Variants in BNC2 observed in about 807,000 individuals in gnomAD.
The protein encoded by BNC2 is basonuclin zinc finger protein 2.
Under a neutral mutation model 76.3 loss-of-function variants are expected in BNC2, and 20 were observed. The observed-to-expected ratio is 0.26, with a 90% confidence interval of 0.18 to 0.38. The LOEUF (loss-of-function observed/expected upper bound fraction) is 0.38. Among genes scored for constraint, BNC2 ranks in the 10% least tolerant of loss-of-function variants. The pLI is 1.00. For synonymous variants in BNC2, 582 were observed against 514.8 expected (o/e 1.13, Z -1.77); for missense variants, 1,382 against 1,399.8 (o/e 0.99, Z 0.20).
intron 1 of BNC2, among the ~76,000 whole-genome samples, chr9:16,763,521 GT>G (rs1211967050): frequency 6.6e-6 from 1 of 151,944 alleles, no homozygotes; most frequent in Non-Finnish European, 1.5e-5. Context: ...AGTGAGCTGT[GT>G]TCACACCACT....
chr9:16,868,295 C>T (rs1819592700), intron 1 of BNC2: 1 of 152,146 alleles, frequency 6.6e-6, no homozygotes, highest in African/African-American at 2.4e-5. Flanking sequence ...TTATGTAAAG[C>T]ACTGAACTCA....
Position 16,680,181 on chromosome 9 carries a change from T to G in BNC2, c.330+47616A>C, listed in dbSNP as rs190958700. ...TGGTAAATGGTTTTCCGCCATTTAC[T>G]TAGGTTTAGGAGGATTTAATCTTTT... On this transcript the variant is annotated intron_variant, in intron 3 of 6. Coordinates refer to ENST00000380672, the MANE Select transcript of BNC2 (RefSeq NM_017637.6). Among the ~76,000 whole-genome samples the G allele has an allele frequency of 3.2e-3, 488 of 152,266 alleles. 5 individuals are homozygous for G. The highest frequency in any genetic ancestry group is 0.029 in the South Asian group (142 of 4,826).
At chr9:16,792,461 T>C (rs1470476424) in intron 1 of BNC2, among the ~76,000 whole-genome samples, 1 of 152,218 alleles carries the variant, frequency 6.6e-6, no homozygotes, top group East Asian at 1.9e-4. Context: ...ACCTGATTCA[T>C]ATAATTCAAA....
intron 1 of BNC2, among the ~76,000 whole-genome samples, chr9:16,813,220 T>A (rs969701910): frequency 6.6e-6 from 1 of 151,474 alleles, no homozygotes; most frequent in African/African-American, 2.4e-5. Context: ...CTCCTAAAGG[T>A]CTATATACCC....
At chr9:16,527,847 G>A (rs1020663261) in intron 5 of BNC2, among the ~76,000 whole-genome samples, 9 of 152,208 alleles carry the variant, frequency 5.9e-5, no homozygotes, top group African/African-American at 2.2e-4. Flanking sequence ...AAATTAAGGT[G>A]GGAGAGATGA....
chr9:16,810,133 T>A (rs1364700887), intron 1 of BNC2, among the ~76,000 whole-genome samples: 1 of 152,180 alleles, frequency 6.6e-6, no homozygotes, highest in Non-Finnish European at 1.5e-5. Context: ...TAAGGTAACT[T>A]ATGGTTAAAA....
rs185414934 is a variant in BNC2, at chr9:16,820,380, C to T, written c.3+50266G>A. ...GGCAGAGGTTGCAGTGAGCCGAGAT[C>T]GCACCATTGCGCTCCAGCCTGGGCA... On this transcript the variant is annotated intron_variant, in intron 1 of 6. Transcript: ENST00000380672. Among the ~76,000 whole-genome samples the T allele has an allele frequency of 1.4e-3, 220 of 151,922 alleles. 3 individuals are homozygous for T. In the South Asian group the frequency reaches 0.016, roughly 11 times the overall value.
At chr9:16,583,302 T>A (rs569406446) in intron 3 of BNC2, among the ~76,000 whole-genome samples, 1 of 152,246 alleles carries the variant, frequency 6.6e-6, no homozygotes, top group Non-Finnish European at 1.5e-5. Context: ...TTTAGGTCAT[T>A]CACAGTAACC....
At chr9:16,444,757 C>T (rs974979372) in intron 5 of BNC2, among the ~76,000 whole-genome samples, 1 of 152,168 alleles carries the variant, frequency 6.6e-6, no homozygotes, top group Non-Finnish European at 1.5e-5. Context: ...AACACTTATA[C>T]ATAATATGTG....
intron 5 of BNC2, among the ~76,000 whole-genome samples, chr9:16,528,596 G>C (rs972177968): frequency 1.3e-5 from 2 of 152,128 alleles, no homozygotes; most frequent in Admixed American, 1.3e-4. Context: ...AAATACAATA[G>C]TTTTAGAAGT....
At chr9:16,699,901 C>T (rs531228313) in intron 3 of BNC2, among the ~76,000 whole-genome samples, 23 of 152,248 alleles carry the variant, frequency 1.5e-4, no homozygotes, top group African/African-American at 5.3e-4. Context: ...GGTGAGAAAA[C>T]CTGTAATTTC....
At chr9:16,795,379 C>T (rs1156709157) in intron 1 of BNC2, among the ~76,000 whole-genome samples, 2 of 107,172 alleles carry the variant, frequency 1.9e-5, no homozygotes, top group Middle Eastern at 4.0e-3. Context: ...ACTGCTAATT[C>T]TGGCTTTTTT....
intron 3 of BNC2, among the ~76,000 whole-genome samples, chr9:16,586,064 T>A (rs928675163): frequency 1.3e-5 from 2 of 152,102 alleles, no homozygotes; most frequent in African/African-American, 4.8e-5. Flanking sequence ...TGTAATTCTT[T>A]CCTCAATTTC....
At chr9:16,735,377 G>A (rs192597235) in intron 2 of BNC2, among the ~76,000 whole-genome samples, 16 of 140,314 alleles carry the variant, frequency 1.1e-4, no homozygotes, top group African/African-American at 4.4e-4. Flanking sequence ...AACCAGTGAT[G>A]GCTTTACTTA....
chr9:16,862,503 T>C (rs990913991), intron 1 of BNC2, among the ~76,000 whole-genome samples: 2 of 152,176 alleles, frequency 1.3e-5, no homozygotes, highest in South Asian at 4.1e-4. Flanking sequence ...ACAGGGCCTC[T>C]ATAGATACCC....
intron 3 of BNC2, among the ~76,000 whole-genome samples, chr9:16,620,681 C>T (rs1416107549): frequency 6.6e-6 from 1 of 152,162 alleles, no homozygotes; most frequent in East Asian, 1.9e-4. Context: ...AGTGCCAACT[C>T]CCTTTTTTCA....
chr9:16,720,696 T>C (rs1824130709), intron 3 of BNC2, among the ~76,000 whole-genome samples: 1 of 152,246 alleles, frequency 6.6e-6, no homozygotes, highest in Admixed American at 6.5e-5. Flanking sequence ...ATCAATTCTT[T>C]TTTTTAATCG....
chr9:16,448,735 G>T (rs952257766), intron 5 of BNC2, among the ~76,000 whole-genome samples: 2 of 152,118 alleles, frequency 1.3e-5, no homozygotes, highest in African/African-American at 4.8e-5. Flanking sequence ...TCTTTTCTGG[G>T]TATAAGAATA....
rs1019269369 is a variant in BNC2 at position 16,412,207 on chromosome 9, T to C, written c.*6782A>G. On this transcript the variant is annotated 3_prime_UTR_variant, in exon 7 of 7. Coordinates refer to ENST00000380672, the MANE Select transcript of BNC2 (RefSeq NM_017637.6). ...GATTAAAGTCAAAAGCCTGACGCCA[T>C]CTTTTTTAGATTGTCAGTCCAGTTT... 5 of 152,656 alleles carry C rather than the reference T, an allele frequency of 3.3e-5. No individual in the cohort carries two copies. The highest frequency in any genetic ancestry group is 7.3e-5 in the Non-Finnish European group (5 of 68,048). The allele number at this position is 152,656 out of a possible 1,614,324, so 9.5% of individuals were successfully genotyped here.
Sources: gnomAD v4.1 joint callset for allele counts (sites outside exome capture counted in the v4.1 genomes callset) on GRCh38, gnomAD v4.1.1 for gene constraint, MANE v1.5 for transcripts, NCBI Gene and HGNC (gene_info 2026-07-23, HGNC 2026-07-21) for gene names.